The following FCRL2 variants were observed in gnomAD, a reference collection of about 807,000 sequenced individuals.
FCRL2 encodes Fc receptor like 2.
In FCRL2, 48 loss-of-function variants were observed where a neutral mutation model predicts 59.8. The observed-to-expected ratio is 0.80, with a 90% confidence interval of 0.64 to 1.02. FCRL2 has a LOEUF of 1.02. Ranked by LOEUF, FCRL2 falls within the 50% of genes least tolerant of loss-of-function variation. The pLI is 0.00. For missense variants in FCRL2, 658 were observed against 597.3 expected (o/e 1.10, Z -1.06); for synonymous variants, 251 against 229.5 (o/e 1.09, Z -0.85).
chr1:157,766,777 C>A (rs762701893), intron 7 of FCRL2, 78 bp downstream of exon 7: 2 of 1,576,990 alleles, frequency 1.3e-6, no homozygotes, highest in Non-Finnish European at 8.6e-7. Context: ...TTTCTCTCTT[C>A]TTTTTTTGTA....
chr1:157,772,707 G>A (rs537745909), intron 2 of FCRL2, among the ~76,000 whole-genome samples: 11 of 152,204 alleles, frequency 7.2e-5, no homozygotes, highest in African/African-American at 2.2e-4. Context: ...TTGGACTTTG[G>A]TTTTGTAACC....
chr1:157,756,368 C>T (rs948440484), intron 7 of FCRL2, among the ~76,000 whole-genome samples: 8 of 152,330 alleles, frequency 5.3e-5, no homozygotes, highest in African/African-American at 1.9e-4. Context: ...AAGTGAAACT[C>T]ACCATGAAAT....
At chr1:157,771,873 G>A (rs1650046823) in intron 2 of FCRL2, among the ~76,000 whole-genome samples, 1 of 152,076 alleles carries the variant, frequency 6.6e-6, no homozygotes, top group Admixed American at 6.6e-5. Context: ...AATAAGAGAT[G>A]TGGTGACTCA....
intron 7 of FCRL2, among the ~76,000 whole-genome samples, chr1:157,763,566 C>T (rs776373542): frequency 3.9e-5 from 6 of 152,108 alleles, no homozygotes; most frequent in African/African-American, 9.6e-5. Context: ...TTTATAGACT[C>T]GCTGAATGGG....
At chr1:157,760,654 AGAAGGAAG>A (rs796961253) in intron 7 of FCRL2, among the ~76,000 whole-genome samples, 21 of 129,644 alleles carry the variant, frequency 1.6e-4, no homozygotes, top group African/African-American at 3.1e-4. Context: ...AAAGAAAGAA[AGAAGGAAG>A]GAAGGAAGGA....
chr1:157,758,151 T>C (rs368545384), intron 7 of FCRL2, among the ~76,000 whole-genome samples: 2 of 152,268 alleles, frequency 1.3e-5, no homozygotes, highest in South Asian at 4.2e-4. Context: ...GGTAACTTTC[T>C]CGTTTTGTAA....
chr1:157,749,106 T>C (rs1647991323), intron 8 of FCRL2, 146 bp from the exon 9 acceptor site: 2 of 579,740 alleles, frequency 3.4e-6, no homozygotes, highest in Admixed American at 3.3e-5. Flanking sequence ...GTAGACTATC[T>C]ACTTTGATAT....
chr1:157,768,790 G>A, intron 4 of FCRL2, 89 bp from the exon 5 acceptor site: 2 of 1,251,580 alleles, frequency 1.6e-6, no homozygotes, highest in Non-Finnish European at 2.2e-6. Flanking sequence ...GCAAAATGTG[G>A]GAATGTGGAG....
Position 157,777,124 on chromosome 1 carries a change from G to GGA in FCRL2, c.-53_-52dup. 9 of 1,613,842 alleles carry GGA rather than the reference G, an allele frequency of 5.6e-6. No homozygotes were observed. Among genetic ancestry groups the GGA allele is most frequent in the Middle Eastern group, 1.7e-4 (1 of 6,060 alleles). On this transcript the variant is annotated 5_prime_UTR_variant, in exon 1 of 12. Coordinates refer to ENST00000361516, the MANE Select transcript of FCRL2 (RefSeq NM_030764.4). ...AGAGATGTACTCTTGGTCACCAACT[G>GGA]GAGACTCTGAGCAGGCGATGAAATG...
At chr1:157,748,723 C>A (rs1178166835) in intron 9 of FCRL2, 105 bp from the exon 10 acceptor site, 10 of 1,221,404 alleles carry the variant, frequency 8.2e-6, no homozygotes, top group Non-Finnish European at 1.2e-5. Context: ...TCCTCTCAAC[C>A]CCAACATGAT....
intron 7 of FCRL2, among the ~76,000 whole-genome samples, chr1:157,757,205 A>T (rs1283211286): frequency 6.6e-6 from 1 of 152,234 alleles, no homozygotes; most frequent in Non-Finnish European, 1.5e-5. Context: ...TTATATTAGC[A>T]CTTGTCCTTG....
intron 7 of FCRL2, among the ~76,000 whole-genome samples, chr1:157,759,302 A>G (rs113223485): frequency 0.018 from 2,697 of 152,304 alleles, 68 homozygotes; most frequent in African/African-American, 0.061. Flanking sequence ...CCCAGTCTTG[A>G]GTATTTCTTT....
intron 7 of FCRL2, among the ~76,000 whole-genome samples, chr1:157,760,209 T>C (rs1017603408): frequency 1.3e-5 from 2 of 152,172 alleles, no homozygotes; most frequent in Admixed American, 1.3e-4. Flanking sequence ...AAATATCACA[T>C]GTTCTCACTG....
rs1251097846 is a variant in FCRL2 at position 157,749,076 on chromosome 1, G to T, written c.1308-116C>A. The T allele has an allele frequency of 7.6e-6, 6 of 790,904 alleles. No homozygotes were observed. In the East Asian group the frequency reaches 1.5e-4, roughly 20 times the overall value. 49.0% of individuals were successfully genotyped at this position (790,904 alleles called of 1,614,324 possible). A position where few individuals can be genotyped will look rare whatever the true frequency, so the allele number is the denominator to read the frequency against. On this transcript the variant is annotated intron_variant, in intron 8 of 11. Transcript: ENST00000361516. ...CCTGCAGCCATGGCTCTCTGCTTGG[G>T]TGATTTTATGGCCCTTTGTGTAGAC...
intron 7 of FCRL2, among the ~76,000 whole-genome samples, chr1:157,753,885 C>T (rs1263274577): frequency 1.3e-5 from 2 of 152,076 alleles, no homozygotes; most frequent in African/African-American, 4.8e-5. Flanking sequence ...GCTCAGGGGT[C>T]AGGAACTAGG....
chr1:157,747,161 T>G (rs900110360), intron 10 of FCRL2, among the ~76,000 whole-genome samples: 2 of 152,220 alleles, frequency 1.3e-5, no homozygotes, highest in South Asian at 2.1e-4. Context: ...TCTTTATAAT[T>G]TTTTCCTCTT....
chr1:157,756,969 C>T (rs1032740913), intron 7 of FCRL2, among the ~76,000 whole-genome samples: 1 of 152,084 alleles, frequency 6.6e-6, no homozygotes, highest in Non-Finnish European at 1.5e-5. Context: ...TTTAAAGTTA[C>T]AAGAGTGGAA....
At position 157,766,978 on chromosome 1, in the gene FCRL2, A is replaced by C; in HGVS notation, c.1163-7T>G. On this transcript the variant is annotated splice_polypyrimidine_tract_variant and splice_region_variant and intron_variant, in intron 6 of 11. Transcript: ENST00000361516. ...CTTCTATAGCCATCAGGTCCTGAGG[A>C]AAGAAAGCAGTGCTTCAGCCCCAGA... The C allele has an allele frequency of 6.2e-7, 1 of 1,609,746 alleles. No individual in the cohort carries two copies. The highest frequency in any genetic ancestry group is 8.5e-7 in the Non-Finnish European group (1 of 1,178,270).
At chr1:157,760,686 A>AGAAG (rs1187874182) in intron 7 of FCRL2, among the ~76,000 whole-genome samples, 21 of 117,188 alleles carry the variant, frequency 1.8e-4, no homozygotes, top group African/African-American at 7.2e-4. Context: ...AAGGAAAGAA[A>AGAAG]GAAAGAAAGA....
Sources: allele counts gnomAD v4.1 joint callset (sites outside exome capture counted in the v4.1 genomes callset), GRCh38; gene constraint gnomAD v4.1.1; transcripts MANE v1.5; gene names NCBI Gene and HGNC (gene_info 2026-07-23, HGNC 2026-07-21).